RBFOX1: variants seen among roughly 807,000 people sequenced by gnomAD.
The protein encoded by RBFOX1 is RNA binding protein fox-1 homolog 1.
In RBFOX1, 8 loss-of-function variants were observed where a neutral mutation model predicts 57.7. The ratio of observed to expected loss-of-function variants is 0.14; its 90% CI spans 0.08 to 0.25. RBFOX1 has a LOEUF of 0.25. Among genes scored for constraint, RBFOX1 ranks in the 10% least tolerant of loss-of-function variants. The pLI, the probability that RBFOX1 is intolerant of heterozygous loss-of-function variation, is 1.00. For missense variants in RBFOX1, 611 were observed against 548.5 expected, an observed-to-expected ratio of 1.11 and a Z score of -1.14; for synonymous variants, 326 against 222.4, an observed-to-expected ratio of 1.47 and a Z score of -4.15.
intron 4 of RBFOX1, among the ~76,000 whole-genome samples, chr16:7,277,438 G>A (rs2095462543): frequency 6.6e-6 from 1 of 152,152 alleles, no homozygotes; most frequent in South Asian, 2.1e-4. Flanking sequence ...TGTGCCACCA[G>A]AAGAAAGCTA....
chr16:7,273,248 T>TCCTC (rs2095372039), intron 4 of RBFOX1, among the ~76,000 whole-genome samples: 3 of 134,022 alleles, frequency 2.2e-5, no homozygotes, highest in African/African-American at 5.7e-5. Context: ...CTTCCTTCCT[T>TCCTC]CCTTCCTTCC....
intron 14 of RBFOX1, among the ~76,000 whole-genome samples, chr16:7,704,377 A>C (rs763816606): frequency 7.2e-5 from 11 of 152,154 alleles, no homozygotes; most frequent in Admixed American, 2.0e-4. Context: ...AACTCACAGA[A>C]ATGATGTAAA....
chr16:6,201,484 A>T (rs1323194077), intron 1 of RBFOX1, among the ~76,000 whole-genome samples: 2 of 152,082 alleles, frequency 1.3e-5, no homozygotes, highest in African/African-American at 2.4e-5. Flanking sequence ...ACTTACAGAG[A>T]TAGAGTGGAA....
At chr16:7,148,354 C>T (rs2075441906) in intron 4 of RBFOX1, among the ~76,000 whole-genome samples, 1 of 152,182 alleles carries the variant, frequency 6.6e-6, no homozygotes, top group Admixed American at 6.5e-5. Context: ...AGCATCTATA[C>T]AGGCCATTAT....
chr16:7,628,980 C>T (rs1331572649), intron 10 of RBFOX1, among the ~76,000 whole-genome samples: 14 of 152,110 alleles, frequency 9.2e-5, no homozygotes, highest in South Asian at 8.3e-4. Flanking sequence ...ACTGACACTC[C>T]GCCAGACTCT....
chr16:7,417,092 G>A (rs1052515779), intron 4 of RBFOX1, among the ~76,000 whole-genome samples: 2 of 151,960 alleles, frequency 1.3e-5, no homozygotes, highest in Non-Finnish European at 2.9e-5. Context: ...CAAAGAGTCC[G>A]GGCATGGTGG....
chr16:6,775,076 A>G (rs1324885892), intron 3 of RBFOX1, among the ~76,000 whole-genome samples: 1 of 151,860 alleles, frequency 6.6e-6, no homozygotes, highest in African/African-American at 2.4e-5. Context: ...CTGTAATCCC[A>G]GCACTTTGGG....
intron 4 of RBFOX1, among the ~76,000 whole-genome samples, chr16:7,198,181 A>G (rs1021670016): frequency 5.3e-5 from 8 of 151,326 alleles, no homozygotes; most frequent in African/African-American, 1.7e-4. Flanking sequence ...AATCTTTTGT[A>G]TTTTTAGTAG....
At chr16:7,709,621 G>C in intron 15 of RBFOX1, 6 of 1,532,294 alleles carry the variant, frequency 3.9e-6, no homozygotes, top group Non-Finnish European at 5.2e-6. Flanking sequence ...TAAAGTCATA[G>C]TCGCCCAGGA....
chr16:7,430,233 C>G (rs1476447864), intron 4 of RBFOX1, among the ~76,000 whole-genome samples: 1 of 152,196 alleles, frequency 6.6e-6, no homozygotes, highest in Non-Finnish European at 1.5e-5. Flanking sequence ...CATGTCTTCA[C>G]TCATAGCCAT....
intron 2 of RBFOX1, among the ~76,000 whole-genome samples, chr16:5,485,663 G>A (rs955511866): frequency 6.6e-6 from 1 of 152,152 alleles, no homozygotes; most frequent in Non-Finnish European, 1.5e-5. Context: ...TTAATAACTT[G>A]TCCAGGCAGC....
intron 1 of RBFOX1, among the ~76,000 whole-genome samples, chr16:5,420,726 G>C (rs905609543): frequency 2.6e-5 from 4 of 151,912 alleles, no homozygotes; most frequent in Non-Finnish European, 5.9e-5. Context: ...GGTAGAGATG[G>C]GGTTTCACCA....
intron 4 of RBFOX1, among the ~76,000 whole-genome samples, chr16:5,974,191 A>G (rs572190232): frequency 2.1e-4 from 32 of 152,284 alleles, no homozygotes; most frequent in African/African-American, 7.5e-4. Context: ...GCCAGATCCA[A>G]TTTGGTTTAG....
chr16:6,380,338 G>A (rs1390364585), intron 2 of RBFOX1, among the ~76,000 whole-genome samples: 2 of 149,986 alleles, frequency 1.3e-5, no homozygotes, highest in African/African-American at 4.9e-5. Flanking sequence ...AGGGAACACT[G>A]GAGGCTGAAG....
At chr16:6,774,963 C>T (rs2079061048) in intron 3 of RBFOX1, among the ~76,000 whole-genome samples, 1 of 151,938 alleles carries the variant, frequency 6.6e-6, no homozygotes, top group South Asian at 2.1e-4. Flanking sequence ...AATCTCATCT[C>T]CTCTTTAAAA....
chr16:7,527,149 T>C (rs1344601458), intron 5 of RBFOX1, among the ~76,000 whole-genome samples: 1 of 152,192 alleles, frequency 6.6e-6, no homozygotes, highest in African/African-American at 2.4e-5. Flanking sequence ...CTGAGCTGTT[T>C]TGTCAATACC....
intron 14 of RBFOX1, among the ~76,000 whole-genome samples, chr16:7,708,441 A>T (rs2083207471): frequency 6.6e-6 from 1 of 152,146 alleles, no homozygotes; most frequent in Admixed American, 6.5e-5. Flanking sequence ...GAACCTGGCC[A>T]TGGATTAATG....
At chr16:7,215,402 A>G (rs111640544) in intron 4 of RBFOX1, among the ~76,000 whole-genome samples, 5,419 of 152,306 alleles carry the variant, frequency 0.036, 127 homozygotes, top group African/African-American at 0.062. Flanking sequence ...ACAATAGCAA[A>G]GACTTGGAAC....
chr16:5,887,791 G>T lies in RBFOX1; in HGVS notation c.351+20456G>T, dbSNP rs1216013093. Among the ~76,000 whole-genome samples the T allele has an allele frequency of 3.3e-5, 5 of 152,124 alleles. No individual in the cohort carries two copies. The South Asian group carries it at 1.0e-3, about 32-fold the overall frequency. On this transcript the variant is annotated intron_variant, in intron 4 of 19. Coordinates refer to the RBFOX1 transcript ENST00000641259. The stretch of plus-strand genomic sequence containing the variant: ...GAGGAGTCAGACCACGCAACCGAAT[G>T]GTTGTGCCAGAATTCTGAGCAGTCT...
Sources: allele counts gnomAD v4.1 joint callset (sites outside exome capture counted in the v4.1 genomes callset), GRCh38; gene constraint gnomAD v4.1.1; transcripts MANE v1.5; gene names NCBI Gene and HGNC (gene_info 2026-07-23, HGNC 2026-07-21).